Variants in EYA1 observed in about 807,000 individuals in gnomAD.
EYA1 encodes protein phosphatase EYA1.
EYA1 carries 16 observed loss-of-function variants against 82.0 expected under a neutral mutation model. The observed-to-expected ratio is 0.20, with a 90% CI of 0.13 to 0.30. The LOEUF is 0.30. EYA1 is among the 10% of genes least tolerant of loss of function. EYA1 has a pLI of 1.00. For missense variants in EYA1, 633 were observed against 730.7 expected (o/e 0.87, Z 1.54); for synonymous variants, 261 against 264.4 (o/e 0.99, Z 0.12).
intron 2 of EYA1, among the ~76,000 whole-genome samples, chr8:71,419,096 G>A (rs549243561): frequency 4.7e-4 from 71 of 152,230 alleles, no homozygotes; most frequent in African/African-American, 1.7e-3. Flanking sequence ...GCCCATCATG[G>A]CACTCTGCAG....
intron 2 of EYA1, among the ~76,000 whole-genome samples, chr8:71,368,708 A>G (rs1000063626): frequency 2.0e-5 from 3 of 152,116 alleles, no homozygotes. Context: ...AAACCTAAAA[A>G]TGGACACAAA....
intron 1 of EYA1, among the ~76,000 whole-genome samples, chr8:71,360,621 T>C (rs1827286515): frequency 6.6e-6 from 1 of 152,182 alleles, no homozygotes; most frequent in African/African-American, 2.4e-5. Flanking sequence ...ATCAAATATT[T>C]GATAATGCAA....
At chr8:71,335,736 T>C (rs1824408793) in intron 3 of EYA1, among the ~76,000 whole-genome samples, 1 of 152,152 alleles carries the variant, frequency 6.6e-6, no homozygotes. Flanking sequence ...AGTATTTCAT[T>C]GCTAGCACAC....
At chr8:71,432,784 C>T (rs189214135) in intron 2 of EYA1, among the ~76,000 whole-genome samples, 21 of 152,236 alleles carry the variant, frequency 1.4e-4, no homozygotes. Flanking sequence ...GCAGCCCTAA[C>T]AGATGCCTTT....
At chr8:71,498,008 A>C (rs1334525288) in intron 2 of EYA1, among the ~76,000 whole-genome samples, 2 of 152,172 alleles carry the variant, frequency 1.3e-5, no homozygotes, top group Non-Finnish European at 2.9e-5. Context: ...TTGATCTTCT[A>C]GAAGTGAAGA....
At chr8:71,222,508 ACAT>A (rs1198382566) in intron 12 of EYA1, among the ~76,000 whole-genome samples, 1 of 152,204 alleles carries the variant, frequency 6.6e-6, no homozygotes, top group Admixed American at 6.5e-5. Context: ...CCAAAGCACC[ACAT>A]CTTGGCACTT....
rs892126677 is a variant in EYA1 at position 71,343,878 on chromosome 8, CT to C, written c.125-9705del. Among the ~76,000 whole-genome samples the C allele has an allele frequency of 1.7e-4, 26 of 152,058 alleles. No individual in the cohort carries two copies. In the South Asian group the frequency reaches 2.1e-3, roughly 12 times the overall value. On this transcript the variant is annotated intron_variant, in intron 3 of 17. Coordinates refer to ENST00000340726, the MANE Select transcript of EYA1 (RefSeq NM_000503.6). ...TAAAAACTAAATAAATATTAGATTC[CT>C]TTTTTCTCCAATATTATGCTATAAA...
chr8:71,293,320 C>T (rs865985316), intron 9 of EYA1, among the ~76,000 whole-genome samples: 8 of 152,154 alleles, frequency 5.3e-5, no homozygotes, highest in Middle Eastern at 3.4e-3. Flanking sequence ...AAGCACTAGA[C>T]CAGGATGGGT....
intron 2 of EYA1, among the ~76,000 whole-genome samples, chr8:71,418,334 T>G (rs950707397): frequency 6.6e-6 from 1 of 152,316 alleles, no homozygotes; most frequent in African/African-American, 2.4e-5. Flanking sequence ...AGATGTATCA[T>G]CCCTGAGCTC....
intron 2 of EYA1, among the ~76,000 whole-genome samples, chr8:71,425,012 G>A (rs371919635): frequency 4.7e-5 from 7 of 147,962 alleles, no homozygotes; most frequent in African/African-American, 1.8e-4. Flanking sequence ...TGTAATCCCA[G>A]CACTTTGGGA....
intron 12 of EYA1, among the ~76,000 whole-genome samples, chr8:71,233,683 T>C (rs967830904): frequency 6.6e-6 from 1 of 152,172 alleles, no homozygotes; most frequent in Non-Finnish European, 1.5e-5. Context: ...ACCTCTTCTA[T>C]GTATATTGTG....
intron 2 of EYA1, among the ~76,000 whole-genome samples, chr8:71,532,711 GA>G (rs1451375793): frequency 9.9e-5 from 15 of 152,226 alleles, no homozygotes; most frequent in Non-Finnish European, 1.5e-5. Context: ...AACCTTACTA[GA>G]AAAGGCACAA....
chr8:71,399,148 G>A (rs939261576), intron 2 of EYA1, among the ~76,000 whole-genome samples: 9 of 152,182 alleles, frequency 5.9e-5, no homozygotes, highest in African/African-American at 1.7e-4. Flanking sequence ...TTGGAAAACC[G>A]CAGTATTAGG....
At chr8:71,484,238 A>G (rs1324424838) in intron 2 of EYA1, among the ~76,000 whole-genome samples, 1 of 152,234 alleles carries the variant, frequency 6.6e-6, no homozygotes, top group Non-Finnish European at 1.5e-5. Flanking sequence ...TTATTTTAGA[A>G]TAAGCATAGT....
rs763816049 is a variant in EYA1 at position 71,462,056 on chromosome 8, C to A, written c.33+73688G>T. Among the ~76,000 whole-genome samples the A allele has an allele frequency of 5.9e-5, 9 of 152,128 alleles. No homozygotes were observed. The East Asian group carries it at 1.7e-3, about 30-fold the overall frequency. The stretch of plus-strand genomic sequence containing the variant: ...CCAGAAAAGGCACCACAAGTTCCCA[C>A]TCCAGTCCTCAGGACTGGAAGCCTA... On this transcript the variant is annotated intron_variant, in intron 2 of 18. Coordinates refer to the EYA1 transcript ENST00000643681.
At chr8:71,260,907 T>C (rs1222576018) in intron 11 of EYA1, among the ~76,000 whole-genome samples, 1 of 152,198 alleles carries the variant, frequency 6.6e-6, no homozygotes, top group African/African-American at 2.4e-5. Context: ...CAGTGCACCT[T>C]AAACAATTCC....
intron 9 of EYA1, among the ~76,000 whole-genome samples, chr8:71,283,530 T>A (rs879806407): frequency 1.6e-5 from 2 of 121,322 alleles, no homozygotes; most frequent in Non-Finnish European, 3.6e-5. Context: ...CTCGTTAAAC[T>A]TTTTTTTTTT....
At chr8:71,259,249 G>A (rs1044424065) in intron 11 of EYA1, among the ~76,000 whole-genome samples, 2 of 152,104 alleles carry the variant, frequency 1.3e-5, no homozygotes, top group African/African-American at 2.4e-5. Flanking sequence ...TCCCTCTCCC[G>A]CACAGCAGAC....
At chr8:71,202,000 A>G (rs1173390127) in intron 17 of EYA1, among the ~76,000 whole-genome samples, 2 of 152,234 alleles carry the variant, frequency 1.3e-5, no homozygotes, top group Non-Finnish European at 2.9e-5. Flanking sequence ...AAAGCTCTTC[A>G]GATAATCCAT....
Sources: gnomAD v4.1 joint callset for allele counts (sites outside exome capture counted in the v4.1 genomes callset) on GRCh38, gnomAD v4.1.1 for gene constraint, MANE v1.5 for transcripts, NCBI Gene and HGNC (gene_info 2026-07-23, HGNC 2026-07-21) for gene names.